The following ATP6V0D1 variants were observed in gnomAD, a reference collection of about 807,000 sequenced individuals.
The protein encoded by ATP6V0D1 is V-type proton ATPase subunit d 1.
ATP6V0D1 carries 13 observed loss-of-function variants against 39.0 expected under a neutral mutation model. That is an observed-to-expected ratio of 0.33 (90% confidence interval 0.22 to 0.53). ATP6V0D1 has a LOEUF of 0.53. Ranked by LOEUF, ATP6V0D1 falls within the 20% of genes least tolerant of loss-of-function variation. The probability of loss-of-function intolerance (pLI) is 0.94; values close to 1 mark genes in which losing one functional copy is unlikely to be tolerated. For missense variants in ATP6V0D1, 272 were observed against 470.9 expected, an observed-to-expected ratio of 0.58 and a Z score of 3.91; for synonymous variants, 191 against 191.2, an observed-to-expected ratio of 1.00 and a Z score of 0.01.
rs145078546 is a variant in ATP6V0D1, at chr16:67,438,473, GCACACACA to G, written c.*47_*54del. On this transcript the variant is annotated 3_prime_UTR_variant, in exon 8 of 8. Transcript: ENST00000290949. ...CATACACACACACGCACACACACGC[GCACACACA>G]CACACACACACACAAAGAGTGCAAT... The G allele has an allele frequency of 5.2e-6, 7 of 1,342,052 alleles. No individual in the cohort carries two copies. In the African/African-American group the frequency reaches 5.8e-5, roughly 11 times the overall value. The allele number at this position is 1,342,052 out of a possible 1,614,324, so 83.1% of individuals were successfully genotyped here. A position where few individuals can be genotyped will look rare whatever the true frequency, so the allele number is the denominator to read the frequency against.
chr16:67,479,142 A>G (rs1047529727), intron 1 of ATP6V0D1, among the ~76,000 whole-genome samples: 4 of 152,130 alleles, frequency 2.6e-5, no homozygotes, highest in South Asian at 2.1e-4. Flanking sequence ...CTCCACTCAC[A>G]TAAGTAAGGT....
intron 4 of ATP6V0D1, chr16:67,440,903 C>G (rs1447593439): frequency 6.6e-6 from 1 of 152,316 alleles, no homozygotes; most frequent in Non-Finnish European, 1.5e-5. Flanking sequence ...GCCAACCCCT[C>G]CCATGGCTTG....
intron 1 of ATP6V0D1, among the ~76,000 whole-genome samples, chr16:67,469,696 C>T (rs576784109): frequency 3.3e-5 from 5 of 152,234 alleles, no homozygotes; most frequent in Non-Finnish European, 7.3e-5. Flanking sequence ...GCTTTGATGG[C>T]TGCTGGGTGT....
intron 1 of ATP6V0D1, among the ~76,000 whole-genome samples, chr16:67,478,805 T>C (rs777088510): frequency 9.2e-5 from 14 of 151,950 alleles, no homozygotes; most frequent in African/African-American, 1.5e-4. Context: ...TGGGGGATGA[T>C]AGAGGGTCCC....
intron 1 of ATP6V0D1, among the ~76,000 whole-genome samples, chr16:67,477,318 T>C (rs962816873): frequency 2.6e-5 from 4 of 152,142 alleles, no homozygotes; most frequent in Non-Finnish European, 5.9e-5. Flanking sequence ...TTGAAACAAA[T>C]AAATCATATT....
intron 1 of ATP6V0D1, among the ~76,000 whole-genome samples, chr16:67,474,390 T>C (rs943154430): frequency 1.3e-5 from 2 of 152,252 alleles, no homozygotes; most frequent in Non-Finnish European, 2.9e-5. Context: ...TCTAACTGTC[T>C]AGACATTGTC....
rs1357421197 is a variant in ATP6V0D1, at chr16:67,481,124, C to G, written c.-38G>C. 2.5e-6 allele frequency: 4 copies of G among 1,611,354 alleles called. No homozygotes were observed. In the East Asian group the frequency reaches 6.7e-5, roughly 27 times the overall value. On this transcript the variant is annotated 5_prime_UTR_variant, in exon 1 of 8. Coordinates refer to ENST00000290949, the MANE Select transcript of ATP6V0D1 (RefSeq NM_004691.5). ...AGCGGCGGGACCGGAGAACCAGGAC[C>G]GGCCGGCACGAATCGCGACTCCCCA...
At chr16:67,470,971 C>T (rs2041368214) in intron 1 of ATP6V0D1, among the ~76,000 whole-genome samples, 1 of 152,218 alleles carries the variant, frequency 6.6e-6, no homozygotes, top group Admixed American at 6.5e-5. Context: ...ATTCTCCTAC[C>T]TAGAGAGCTG....
At chr16:67,469,433 C>T (rs9941120) in intron 1 of ATP6V0D1, among the ~76,000 whole-genome samples, 1,671 of 152,316 alleles carry the variant, frequency 0.011, 29 homozygotes, top group African/African-American at 0.038. Flanking sequence ...GACAGAAAAA[C>T]AGCCAGTTAA....
At chr16:67,449,156 C>T (rs1314770008) in intron 2 of ATP6V0D1, among the ~76,000 whole-genome samples, 2 of 152,248 alleles carry the variant, frequency 1.3e-5, no homozygotes, top group Admixed American at 6.5e-5. Flanking sequence ...ACTGAGGCCC[C>T]TGACACAAGA....
intron 1 of ATP6V0D1, among the ~76,000 whole-genome samples, chr16:67,479,791 C>T (rs1233941861): frequency 6.6e-6 from 1 of 152,142 alleles, no homozygotes; most frequent in Non-Finnish European, 1.5e-5. Context: ...GATCAGGAAT[C>T]CCCTCACATC....
chr16:67,457,312 C>A, intron 1 of ATP6V0D1: 1 of 304,556 alleles, frequency 3.3e-6, no homozygotes, highest in Non-Finnish European at 6.6e-6. Context: ...CATAGAGGGG[C>A]TGGGATGTGG....
intron 1 of ATP6V0D1, among the ~76,000 whole-genome samples, chr16:67,467,027 C>T (rs1375838068): frequency 1.3e-5 from 2 of 152,146 alleles, no homozygotes; most frequent in East Asian, 3.9e-4. Flanking sequence ...CCCAAGTCTC[C>T]AATTCCCTTT....
At chr16:67,442,183 C>A (rs1448941692) in intron 4 of ATP6V0D1, among the ~76,000 whole-genome samples, 2 of 152,268 alleles carry the variant, frequency 1.3e-5, no homozygotes, top group Admixed American at 1.3e-4. Context: ...CAGGCCCCTG[C>A]AGGGAGATTG....
intron 1 of ATP6V0D1, among the ~76,000 whole-genome samples, chr16:67,460,845 T>C (rs984655291): frequency 6.6e-6 from 1 of 152,136 alleles, no homozygotes; most frequent in African/African-American, 2.4e-5. Flanking sequence ...CTTCAAGACA[T>C]TATTCCTTAG....
chr16:67,444,943 G>A lies in ATP6V0D1; in HGVS notation c.303-237C>T, dbSNP rs1411584000. On this transcript the variant is annotated intron_variant, in intron 2 of 7. Coordinates refer to ENST00000290949, the MANE Select transcript of ATP6V0D1 (RefSeq NM_004691.5). This position sits in a 1 kb window ranked among gnomAD's most constrained non-coding sequence, Gnocchi z 4.8. Reference sequence around the variant, plus strand: ...ACACAGGCCCCCCAAACGGGCGGGGGCAGGGGATTCATGCCCTGTGAGGGA... The same window carrying A: ...ACACAGGCCCCCCAAACGGGCGGGGACAGGGGATTCATGCCCTGTGAGGGA... Among the ~76,000 whole-genome samples, 2 of 152,202 alleles carry A rather than the reference G, an allele frequency of 1.3e-5. No homozygotes were observed. The highest frequency in any genetic ancestry group is 1.9e-4 in the East Asian group (1 of 5,196).
In ATP6V0D1 at chr16:67,481,120, G is replaced by A. The variant is rs777743242; in HGVS notation, c.-34C>T. The A allele has an allele frequency of 1.4e-5, 22 of 1,612,282 alleles. No homozygotes were observed. In the African/African-American group the frequency reaches 1.9e-4, roughly 14 times the overall value. On this transcript the variant is annotated 5_prime_UTR_variant, in exon 1 of 8. Coordinates refer to ENST00000290949, the MANE Select transcript of ATP6V0D1 (RefSeq NM_004691.5). ...CGGGAGCGGCGGGACCGGAGAACCA[G>A]GACCGGCCGGCACGAATCGCGACTC...
intron 1 of ATP6V0D1, among the ~76,000 whole-genome samples, chr16:67,479,419 T>C (rs1415878585): frequency 1.3e-5 from 2 of 152,104 alleles, no homozygotes; most frequent in Non-Finnish European, 2.9e-5. Flanking sequence ...TTCACCATTC[T>C]GGCCAGGCTG....
chr16:67,453,669 G>A lies in ATP6V0D1; in HGVS notation c.177C>T (p.Ala59=). 2 of 1,614,120 alleles carry A rather than the reference G, an allele frequency of 1.2e-6. No individual in the cohort carries two copies. The highest frequency in any genetic ancestry group is 2.2e-5 in the South Asian group (2 of 91,082). ...LQSTDYGNFL[A]NEASPLTVSV... ...ACACCGTCAGAGGTGATGCCTCGTT[G>A]GCCAGGAAGTTACCATAATCAGTGC... is the stretch of plus-strand genomic sequence containing the variant. The change falls in exon 2 of 8, where the codon GCC becomes GCT. Residue 59 remains alanine, a synonymous_variant. Transcript: ENST00000290949. The surrounding 1 kb of genome is among the most constrained non-coding windows in gnomAD (Gnocchi z 4.1).
Sources: allele counts gnomAD v4.1 joint callset (sites outside exome capture counted in the v4.1 genomes callset), GRCh38; gene constraint gnomAD v4.1.1; non-coding constraint Gnocchi (gnomAD v3.1); transcripts MANE v1.5; gene names NCBI Gene and HGNC (gene_info 2026-07-23, HGNC 2026-07-21).